TRAPPC14: variants seen among roughly 807,000 people sequenced by gnomAD.
The protein encoded by TRAPPC14 is trafficking protein particle complex subunit 14.
TRAPPC14 carries 24 observed loss-of-function variants against 56.6 expected under a neutral mutation model. That is an observed-to-expected ratio of 0.42 (90% CI 0.31 to 0.60). The LOEUF (loss-of-function observed/expected upper bound fraction) is 0.60. Ranked by LOEUF, TRAPPC14 falls within the 20% of genes least tolerant of loss-of-function variation. TRAPPC14 has a pLI of 0.14. For synonymous variants in TRAPPC14, 377 were observed against 347.0 expected, an observed-to-expected ratio of 1.09 and a Z score of -0.96; for missense variants, 615 against 790.3, an observed-to-expected ratio of 0.78 and a Z score of 2.66.
chr7:100,155,350 C>G lies in TRAPPC14; in HGVS notation c.1501G>C (p.Val501Leu), dbSNP rs757802165. ...SRKSSPSSPA[V>L]RDLVERHQAS... ...TGATGCCTCTCCACCAAGTCCCGGA[C>G]AGCAGGGCTGCTGGGGCTGCTCTTG... Residue 501 changes from valine (V) to leucine (L), a missense_variant, in exon 10 of 11, where the codon GTC (valine) becomes CTC (leucine). Val to Leu is a conservative substitution (Grantham distance 32). Transcript: ENST00000316937. 1.9e-6 allele frequency: 3 copies of G among 1,550,908 alleles called. No homozygotes were observed. The South Asian group carries it at 3.6e-5, about 18-fold the overall frequency.
chr7:100,158,090 G>A lies in TRAPPC14; in HGVS notation c.410C>T (p.Thr137Met). The A allele has an allele frequency of 2.7e-6, 4 of 1,483,102 alleles. No homozygotes were observed. Among genetic ancestry groups the A allele is most frequent in the Admixed American group, 2.4e-5 (1 of 41,146 alleles). 91.9% of individuals were successfully genotyped at this position (1,483,102 alleles called of 1,614,324 possible). A position where few individuals can be genotyped will look rare whatever the true frequency, so the allele number is the denominator to read the frequency against. Residue 137 changes from threonine (T) to methionine (M), a missense_variant and splice_region_variant, in exon 1 of 11, where the codon ACG (threonine) becomes ATG (methionine). Thr to Met is a moderately conservative substitution (Grantham distance 81). Transcript: ENST00000316937. ...GCCAGGTCCCCCAAAGCTCCTCACC[G>A]TGGTCGCTCCCCCTGAGGTAGCAGG... ...PGPATSGGATTLPVEEPIVST... is the reference protein window; with the variant it reads ...PGPATSGGATMLPVEEPIVST...
rs774622676 is a variant in TRAPPC14, at chr7:100,157,833, C to A, written c.507+10G>T. On this transcript the variant is annotated intron_variant, in intron 2 of 10. Coordinates refer to ENST00000316937, the MANE Select transcript of TRAPPC14 (RefSeq NM_018275.5). The stretch of plus-strand genomic sequence containing the variant: ...AATTAGGACAATAGCTCCACTCTTG[C>A]TCATCTTACCTTGGCCTTAGGTGTC... 1 of 1,608,616 alleles carries A rather than the reference C, an allele frequency of 6.2e-7. No individual in the cohort carries two copies. The highest frequency in any genetic ancestry group is 2.2e-5 in the East Asian group (1 of 44,804).
Position 100,158,700 on chromosome 7 carries a change from A to C in TRAPPC14, c.-201T>G. ...GCGCCGGAACCGGGGTACTGAGCCG[A>C]ATGACTGGAGAGAAACAGGAAGCGG... On this transcript the variant is annotated 5_prime_UTR_variant, in exon 1 of 11. It adds an upstream start codon to the 5' untranslated region. Coordinates refer to ENST00000316937, the MANE Select transcript of TRAPPC14 (RefSeq NM_018275.5). The C allele has an allele frequency of 2.3e-6, 1 of 441,294 alleles. No homozygotes were observed. The highest frequency in any genetic ancestry group is 3.8e-6 in the Non-Finnish European group (1 of 265,562). The allele number at this position is 441,294 out of a possible 1,614,324, so 27.3% of individuals were successfully genotyped here.
Position 100,158,674 on chromosome 7 carries a change from A to G in TRAPPC14, c.-175T>C. 1.8e-6 allele frequency: 1 copy of G among 543,002 alleles called. No individual in the cohort carries two copies. The highest frequency in any genetic ancestry group is 2.8e-6 in the Non-Finnish European group (1 of 356,540). 33.6% of individuals were successfully genotyped at this position (543,002 alleles called of 1,614,324 possible). On this transcript the variant is annotated 5_prime_UTR_variant, in exon 1 of 11. Transcript: ENST00000316937. ...CAACGAACCCGAACCGAGACCCGGC[A>G]GCGCCGGAACCGGGGTACTGAGCCG... is the stretch of plus-strand genomic sequence containing the variant.
Position 100,156,454 on chromosome 7 carries a change from G to A in TRAPPC14, c.1172C>T (p.Thr391Met), listed in dbSNP as rs747313913. The A allele has an allele frequency of 1.2e-6, 2 of 1,614,076 alleles. No individual in the cohort carries two copies. The highest frequency in any genetic ancestry group is 1.7e-6 in the Non-Finnish European group (2 of 1,180,048). The change falls in exon 8 of 11, where the codon ACG becomes ATG. Residue 391 changes from threonine (T) to methionine (M), a missense_variant. Coordinates refer to ENST00000316937, the MANE Select transcript of TRAPPC14 (RefSeq NM_018275.5). Reference sequence around the variant, plus strand: ...GAAGTCTTGGAGATTGTTAAGCAGCGTGTAGGTGACAGTGAAACGCTCGTA... The same window carrying A: ...GAAGTCTTGGAGATTGTTAAGCAGCATGTAGGTGACAGTGAAACGCTCGTA... ...RTYERFTVTYTLLNNLQDFLA... is the reference protein window; with the variant it reads ...RTYERFTVTYMLLNNLQDFLA...
Position 100,156,238 on chromosome 7 carries a change from A to C in TRAPPC14, c.1240+148T>G, listed in dbSNP as rs1346020445. The C allele has an allele frequency of 2.8e-5, 20 of 722,412 alleles. No homozygotes were observed. The South Asian group carries it at 3.6e-4, about 13-fold the overall frequency. 44.8% of individuals were successfully genotyped at this position (722,412 alleles called of 1,614,324 possible). ...ATCTAGGACACTGGGGAGACCACCC[A>C]GGTACAGGGCGGAAGCCACCTGCCA... On this transcript the variant is annotated intron_variant, in intron 8 of 10. Transcript: ENST00000316937.
intron 4 of TRAPPC14, 30 bp downstream of exon 4, chr7:100,157,343 C>T (rs776321006): frequency 1.2e-6 from 2 of 1,613,674 alleles, no homozygotes; most frequent in South Asian, 2.2e-5. Context: ...CTTGTTGCTC[C>T]CGGAGGCTGG....
rs1440872766 is a variant in TRAPPC14 at position 100,154,784 on chromosome 7, C to T, written c.*227G>A. 3.4e-6 allele frequency: 2 copies of T among 589,546 alleles called. No individual in the cohort carries two copies. Among genetic ancestry groups the T allele is most frequent in the Non-Finnish European group, 6.0e-6 (2 of 331,588 alleles). 36.5% of individuals were successfully genotyped at this position (589,546 alleles called of 1,614,324 possible). On this transcript the variant is annotated 3_prime_UTR_variant, in exon 11 of 11. Coordinates refer to ENST00000316937, the MANE Select transcript of TRAPPC14 (RefSeq NM_018275.5). Reference sequence around the variant, plus strand: ...CCCTGGCCTAGGGGTGGGGCCAGCCCCCCCCACAGGAACTCGGGGAATACT... The same window carrying T: ...CCCTGGCCTAGGGGTGGGGCCAGCCTCCCCCACAGGAACTCGGGGAATACT...
chr7:100,156,600 CG>C, intron 7 of TRAPPC14, 33 bp downstream of exon 7: 1 of 1,610,696 alleles, frequency 6.2e-7, no homozygotes, highest in Non-Finnish European at 8.5e-7. Flanking sequence ...GCCACAAAGG[CG>C]AACGCCACGA....
At position 100,156,912 on chromosome 7, in the gene TRAPPC14, G is replaced by A. The variant is rs1798892729; in HGVS notation, c.926C>T (p.Ala309Val). 1 of 1,613,948 alleles carries A rather than the reference G, an allele frequency of 6.2e-7. No homozygotes were observed. The highest frequency in any genetic ancestry group is 8.5e-7 in the Non-Finnish European group (1 of 1,180,034). Residue 309 changes from alanine (A) to valine (V), a missense_variant, in exon 6 of 11, where the codon GCC (alanine) becomes GTC (valine). Transcript: ENST00000316937. ...TSGCFPCPLN[A>V]LEEHNFLFQL... ...AAACAGGAAGTTGTGTTCCTCCAGGGCATTCAGCGGGCAGGGGAAGCAGCC... is the reference window on the plus strand; with the variant it reads ...AAACAGGAAGTTGTGTTCCTCCAGGACATTCAGCGGGCAGGGGAAGCAGCC...
Position 100,157,356 on chromosome 7 carries a change from C to G in TRAPPC14, c.724+17G>C, listed in dbSNP as rs774201492. On this transcript the variant is annotated intron_variant, in intron 4 of 10. Coordinates refer to ENST00000316937, the MANE Select transcript of TRAPPC14 (RefSeq NM_018275.5). ...CCCTTGTTGCTCCCGGAGGCTGGAG[C>G]CGGCAGCCCTGCTTACCCTTGAGCA... is the stretch of plus-strand genomic sequence containing the variant. 6.2e-7 allele frequency: 1 copy of G among 1,613,630 alleles called. No individual in the cohort carries two copies. Among genetic ancestry groups the G allele is most frequent in the African/African-American group, 1.3e-5 (1 of 74,950 alleles).
intron 1 of TRAPPC14, 75 bp downstream of exon 1, chr7:100,158,014 G>T: frequency 4.9e-6 from 7 of 1,421,416 alleles, no homozygotes; most frequent in Non-Finnish European, 5.6e-6. Context: ...AAGACCGGCA[G>T]TTCATCTGCC....
chr7:100,155,119 G>C lies in TRAPPC14; in HGVS notation c.1635C>G (p.Ala545=). 1 of 1,613,664 alleles carries C rather than the reference G, an allele frequency of 6.2e-7. No individual in the cohort carries two copies. The highest frequency in any genetic ancestry group is 1.3e-5 in the African/African-American group (1 of 75,048). The change falls in exon 11 of 11, where the codon GCC becomes GCG. Residue 545 remains alanine, a synonymous_variant. Coordinates refer to ENST00000316937, the MANE Select transcript of TRAPPC14 (RefSeq NM_018275.5). ...MERRAITPPV[A]SPVGRPLYLP... ...GGTAGAGGGGGCGGCCAACAGGAGA[G>C]GCCACAGGGGGCGTGATGGCTCTGC...
In TRAPPC14 at chr7:100,155,656, C is replaced by T. The variant is rs1367223490; in HGVS notation, c.1395+15G>A. 2 of 1,588,388 alleles carry T rather than the reference C, an allele frequency of 1.3e-6. No individual in the cohort carries two copies. Among genetic ancestry groups the T allele is most frequent in the East Asian group, 2.2e-5 (1 of 44,700 alleles). On this transcript the variant is annotated intron_variant, in intron 9 of 10. Coordinates refer to ENST00000316937, the MANE Select transcript of TRAPPC14 (RefSeq NM_018275.5). ...TGCATCACTCAGCACTCAGCCCAGA[C>T]CCTCCCCAGCCCACCTCGAAGAGCC...
Position 100,157,074 on chromosome 7 carries a change from C to G in TRAPPC14, c.845+20G>C, listed in dbSNP as rs564676433. On this transcript the variant is annotated intron_variant, in intron 5 of 10. Transcript: ENST00000316937. The stretch of plus-strand genomic sequence containing the variant: ...AGCCATCCCCACCACTTCACAGCCT[C>G]GCCCCTCCCAGGACCTCACCAGACA... The G allele has an allele frequency of 6.2e-7, 1 of 1,614,028 alleles. No homozygotes were observed. Among genetic ancestry groups the G allele is most frequent in the East Asian group, 2.2e-5 (1 of 44,886 alleles).
At position 100,156,528 on chromosome 7, in the gene TRAPPC14, G is replaced by A. The variant is rs1237788400; in HGVS notation, c.1098C>T (p.Asp366=). 1.9e-6 allele frequency: 3 copies of A among 1,614,028 alleles called. No individual in the cohort carries two copies. The highest frequency in any genetic ancestry group is 2.5e-6 in the Non-Finnish European group (3 of 1,180,012). Residue 366 remains aspartate (D), a synonymous_variant, in exon 8 of 11, where the codon GAC becomes GAT. Transcript: ENST00000316937. Reference sequence around the variant, plus strand: ...AAGCGGTCATCACAAAACACGGGCGGTCCAAGCGGACACTGGGCAGGCTAG... The same window carrying A: ...AAGCGGTCATCACAAAACACGGGCGATCCAAGCGGACACTGGGCAGGCTAG... ...THYRLPSVRL[D]RPCFVMTASC...
At chr7:100,157,036 G>A (rs569368162) in intron 5 of TRAPPC14, 44 bp from the exon 6 acceptor site, 55 of 1,613,848 alleles carry the variant, frequency 3.4e-5, no homozygotes, top group Admixed American at 5.0e-5. Flanking sequence ...CCATGCCAGA[G>A]CTCAGCCCCT....
Position 100,156,869 on chromosome 7 carries a change from C to G in TRAPPC14, c.969G>C (p.Glu323Asp), listed in dbSNP as rs775563705. The G allele has an allele frequency of 1.9e-6, 3 of 1,614,096 alleles. No individual in the cohort carries two copies. In the South Asian group the frequency reaches 3.3e-5, roughly 18 times the overall value. Reference sequence around the variant, plus strand: ...CCTCCTTGGCCCCTGGAGGGGGCTGCTCACCCCCTCTCAGCTGAAACAGGA... The same window carrying G: ...CCTCCTTGGCCCCTGGAGGGGGCTGGTCACCCCCTCTCAGCTGAAACAGGA... ...HNFLFQLRGG[E>D]QPPPGAKEGL... is the part of the protein sequence containing the mutation. Residue 323 changes from glutamate to aspartate, a missense_variant, in exon 6 of 11, where the codon GAG (glutamate) becomes GAC (aspartate). Glu to Asp is a conservative substitution (Grantham distance 45, BLOSUM62 2). Transcript: ENST00000316937.
rs1293529263 is a variant in TRAPPC14 at position 100,156,874 on chromosome 7, C to T, written c.964G>A (p.Gly322Ser). 4.3e-6 allele frequency: 7 copies of T among 1,613,974 alleles called. No individual in the cohort carries two copies. The highest frequency in any genetic ancestry group is 5.9e-6 in the Non-Finnish European group (7 of 1,180,034). ...TTGGCCCCTGGAGGGGGCTGCTCAC[C>T]CCCTCTCAGCTGAAACAGGAAGTTG... The part of the protein sequence containing the change: ...EHNFLFQLRG[G>S]EQPPPGAKEG... The change falls in exon 6 of 11, where the codon GGT becomes AGT. Residue 322 changes from glycine (G) to serine (S), a missense_variant. Gly to Ser is a moderately conservative substitution (Grantham distance 56, BLOSUM62 0). Transcript: ENST00000316937.
Sources: allele counts gnomAD v4.1 joint callset, GRCh38; gene constraint gnomAD v4.1.1; transcripts MANE v1.5; gene names NCBI Gene and HGNC (gene_info 2026-07-23, HGNC 2026-07-21).